CRISP1: variants seen among roughly 807,000 people sequenced by gnomAD.
CRISP1 encodes the protein cysteine rich secretory protein 1.
A neutral mutation model predicts 33.1 loss-of-function variants in CRISP1; 44 were observed. That is an observed-to-expected ratio of 1.33 (90% CI 1.05 to 1.71). CRISP1 has a LOEUF of 1.71. CRISP1 is among the 40% of genes most tolerant of loss of function. The pLI is 0.00. For synonymous variants in CRISP1, 103 were observed against 98.7 expected (o/e 1.04, Z -0.26); for missense variants, 390 against 301.2 (o/e 1.29, Z -2.18).
At chr6:49,860,999 A>G (rs1378192923) in intron 1 of CRISP1, among the ~76,000 whole-genome samples, 1 of 152,046 alleles carries the variant, frequency 6.6e-6, no homozygotes, top group African/African-American at 2.4e-5. Flanking sequence ...TTTTAGAGAA[A>G]ATGAATAAAT....
chr6:49,835,902 C>G (rs1209670434), intron 7 of CRISP1, among the ~76,000 whole-genome samples: 2 of 152,128 alleles, frequency 1.3e-5, no homozygotes, highest in Non-Finnish European at 2.9e-5. Flanking sequence ...TATAATCTCT[C>G]CATCCACCCA....
intron 5 of CRISP1, among the ~76,000 whole-genome samples, chr6:49,843,149 G>A (rs1326948975): frequency 6.6e-6 from 1 of 152,040 alleles, no homozygotes; most frequent in African/African-American, 2.4e-5. Context: ...TTGAATCCAG[G>A]CCACAAATTT....
intron 2 of CRISP1, among the ~76,000 whole-genome samples, chr6:49,853,833 G>C (rs759224572): frequency 6.6e-6 from 1 of 151,958 alleles, no homozygotes; most frequent in African/African-American, 2.4e-5. Context: ...TCCCAACTTC[G>C]GATGAGACTG....
upstream of CRISP1, among the ~76,000 whole-genome samples, chr6:49,869,538 C>A (rs1432690512): frequency 6.6e-6 from 1 of 152,140 alleles, no homozygotes; most frequent in African/African-American, 2.4e-5. Flanking sequence ...TGGAAGTTGC[C>A]ATCATACACT....
intron 7 of CRISP1, among the ~76,000 whole-genome samples, chr6:49,837,392 T>C (rs1770834547): frequency 6.6e-6 from 1 of 152,058 alleles, no homozygotes; most frequent in Admixed American, 6.5e-5. Context: ...ATTCTAAAAA[T>C]CTACTCAATT....
upstream of CRISP1, among the ~76,000 whole-genome samples, chr6:49,871,345 G>A (rs879346429): frequency 1.3e-5 from 2 of 152,082 alleles, no homozygotes; most frequent in Non-Finnish European, 2.9e-5. Context: ...ACATAGTAAT[G>A]AGGACAAAGT....
rs912531354 is a variant in CRISP1, at chr6:49,857,534, G to T, written c.-2-132C>A. The T allele has an allele frequency of 1.3e-4, 94 of 709,366 alleles. 1 individual carries two copies. The East Asian group carries it at 2.6e-3, about 19-fold the overall frequency. 43.9% of individuals were successfully genotyped at this position (709,366 alleles called of 1,614,324 possible). A position where few individuals can be genotyped will look rare whatever the true frequency, so the allele number is the denominator to read the frequency against. ...AAGAAACCTTTAGGATCCGAACAAG[G>T]TTTAATGTGTTAGTCATTGGGATCC... On this transcript the variant is annotated intron_variant, in intron 1 of 7. Coordinates refer to ENST00000335847, the MANE Select transcript of CRISP1 (RefSeq NM_001131.3).
chr6:49,840,813 T>C, intron 6 of CRISP1, 85 bp downstream of exon 6: 1 of 1,031,266 alleles, frequency 9.7e-7, no homozygotes, highest in Non-Finnish European at 1.4e-6. Flanking sequence ...GCTACAAACA[T>C]TTATGCACAC....
chr6:49,868,955 C>T (rs1771862306), upstream of CRISP1, among the ~76,000 whole-genome samples: 1 of 152,072 alleles, frequency 6.6e-6, no homozygotes, highest in East Asian at 1.9e-4. Context: ...TTTGAAATTT[C>T]CCCCCTCTTC....
intron 3 of CRISP1, among the ~76,000 whole-genome samples, chr6:49,848,913 A>G (rs1201467337): frequency 6.6e-6 from 1 of 152,114 alleles, no homozygotes; most frequent in Non-Finnish European, 1.5e-5. Context: ...TACAAAAAAA[A>G]AATATTATAT....
intron 2 of CRISP1, among the ~76,000 whole-genome samples, chr6:49,853,928 A>G (rs1050871935): frequency 6.6e-6 from 1 of 152,124 alleles, no homozygotes; most frequent in Non-Finnish European, 1.5e-5. Context: ...CATGACCCCA[A>G]ATCAGTAAGA....
Position 49,852,139 on chromosome 6 carries a change from G to T in CRISP1, c.67-10C>A. The T allele has an allele frequency of 5.6e-6, 9 of 1,607,996 alleles. No individual in the cohort carries two copies. The highest frequency in any genetic ancestry group is 1.7e-4 in the Middle Eastern group (1 of 5,984). On this transcript the variant is annotated splice_polypyrimidine_tract_variant and intron_variant, in intron 2 of 7. Coordinates refer to ENST00000335847, the MANE Select transcript of CRISP1 (RefSeq NM_001131.3). ...CTCTAGCTGATTTCTTCTGTTACCA[G>T]AAAAATATTAATTAGTGTTACTTCT...
At chr6:49,860,432 T>C (rs1084054) in intron 1 of CRISP1, among the ~76,000 whole-genome samples, 139,569 of 152,212 alleles carry the variant, frequency 0.92, 64,057 homozygotes, top group East Asian at 0.96. Context: ...TCTCTAACTA[T>C]AGTGAAATAA....
At chr6:49,871,283 C>T (rs1170818710), upstream of CRISP1, among the ~76,000 whole-genome samples, 1 of 151,984 alleles carries the variant, frequency 6.6e-6, no homozygotes, top group Non-Finnish European at 1.5e-5. Flanking sequence ...AAAATAATTG[C>T]CCTACTGGAA....
chr6:49,875,353 A>C (rs1209024526), intron 1 of CRISP1, among the ~76,000 whole-genome samples: 2 of 152,028 alleles, frequency 1.3e-5, no homozygotes, highest in Non-Finnish European at 2.9e-5. Context: ...GAAGTGAAGG[A>C]CTTCATCAAG....
At chr6:49,855,109 AAC>A (rs1478012127) in intron 2 of CRISP1, among the ~76,000 whole-genome samples, 5 of 152,058 alleles carry the variant, frequency 3.3e-5, no homozygotes, top group Non-Finnish European at 5.9e-5. Context: ...GTAAGGAACA[AAC>A]ACACTCTTTA....
chr6:49,871,146 A>C (rs1771914455), upstream of CRISP1, among the ~76,000 whole-genome samples: 1 of 151,878 alleles, frequency 6.6e-6, no homozygotes, highest in South Asian at 2.1e-4. Context: ...AAAACAAAGA[A>C]AGAAAGAAAA....
chr6:49,863,057 T>A (rs1182602437), intron 1 of CRISP1, among the ~76,000 whole-genome samples: 1 of 152,004 alleles, frequency 6.6e-6, no homozygotes, highest in Non-Finnish European at 1.5e-5. Context: ...TGGGTCAAAA[T>A]CAGGTAAAGC....
At chr6:49,866,789 C>A (rs988486304), upstream of CRISP1, among the ~76,000 whole-genome samples, 4 of 152,120 alleles carry the variant, frequency 2.6e-5, no homozygotes, top group Non-Finnish European at 5.9e-5. Context: ...ACAAAGGTCA[C>A]TGTAAGGGAA....
Sources: allele counts gnomAD v4.1 joint callset (sites outside exome capture counted in the v4.1 genomes callset), GRCh38; gene constraint gnomAD v4.1.1; transcripts MANE v1.5; gene names NCBI Gene and HGNC (gene_info 2026-07-23, HGNC 2026-07-21).